Variants in PRMT8 observed in about 807,000 individuals in gnomAD.
The protein encoded by PRMT8 is protein arginine N-methyltransferase 8.
A neutral mutation model predicts 47.1 loss-of-function variants in PRMT8; 7 were observed. The ratio of observed to expected loss-of-function variants is 0.15; its 90% CI spans 0.08 to 0.28. PRMT8 has a LOEUF of 0.28. Ranked by LOEUF, PRMT8 falls within the 10% of genes least tolerant of loss-of-function variation. The probability of loss-of-function intolerance (pLI) is 1.00; values close to 1 mark genes in which losing one functional copy is unlikely to be tolerated. For missense variants in PRMT8, 237 were observed against 505.4 expected (o/e 0.47, Z 5.09); for synonymous variants, 188 against 186.5 (o/e 1.01, Z -0.07).
intron 1 of PRMT8, among the ~76,000 whole-genome samples, chr12:3,510,799 C>T (rs1244458756): frequency 6.6e-6 from 1 of 152,186 alleles, no homozygotes; most frequent in Non-Finnish European, 1.5e-5. Flanking sequence ...TCAGGTCCAC[C>T]TCCACCTCGG....
At chr12:3,461,097 A>G (rs1171366286) in intron 1 of PRMT8, among the ~76,000 whole-genome samples, 1 of 152,180 alleles carries the variant, frequency 6.6e-6, no homozygotes, top group Non-Finnish European at 1.5e-5. Flanking sequence ...CTGTTTATTT[A>G]TTCATCCAAC....
chr12:3,388,713 G>A (rs191754786), intron 1 of PRMT8, among the ~76,000 whole-genome samples: 2 of 149,200 alleles, frequency 1.3e-5, no homozygotes, highest in East Asian at 3.9e-4. Flanking sequence ...GCCCACATCA[G>A]GCTGTCTCTA....
intron 1 of PRMT8, among the ~76,000 whole-genome samples, chr12:3,532,343 T>A (rs1259982662): frequency 1.3e-5 from 2 of 149,438 alleles, no homozygotes; most frequent in Non-Finnish European, 3.0e-5. Context: ...AATTAAGAAT[T>A]CTCTTTATGT....
At chr12:3,412,429 G>A (rs1263532641) in intron 1 of PRMT8, among the ~76,000 whole-genome samples, 1 of 152,072 alleles carries the variant, frequency 6.6e-6, no homozygotes, top group African/African-American at 2.4e-5. Flanking sequence ...TATAAAAAAT[G>A]TTTTCTTTCT....
rs749021307 is a variant in PRMT8, at chr12:3,569,162, C to T, written c.624+314C>T. ...AAGTACTTAGGACTTGCATGGCTGC[C>T]AGAGCCAGGTGTGCTATTCATCTGG... On this transcript the variant is annotated intron_variant, in intron 5 of 9. Coordinates refer to ENST00000382622, the MANE Select transcript of PRMT8 (RefSeq NM_019854.5). This position sits in a 1 kb window ranked among gnomAD's most constrained non-coding sequence, Gnocchi z 8.2. Among the ~76,000 whole-genome samples the T allele has an allele frequency of 6.6e-6, 1 of 152,194 alleles. No homozygotes were observed. The highest frequency in any genetic ancestry group is 1.5e-5 in the Non-Finnish European group (1 of 68,026).
intron 4 of PRMT8, among the ~76,000 whole-genome samples, chr12:3,567,610 C>T (rs934325596): frequency 7.9e-5 from 12 of 152,168 alleles, no homozygotes; most frequent in African/African-American, 2.9e-4. Flanking sequence ...CTCTCTAAGC[C>T]TCGGTTTCCT....
intron 1 of PRMT8, among the ~76,000 whole-genome samples, chr12:3,484,912 T>A (rs1042863900): frequency 8.6e-5 from 13 of 152,016 alleles, no homozygotes; most frequent in Non-Finnish European, 1.6e-4. Context: ...GTGGGGAGTG[T>A]GGTTTCTGAG....
chr12:3,438,581 G>A (rs749586667), intron 1 of PRMT8, among the ~76,000 whole-genome samples: 6 of 152,220 alleles, frequency 3.9e-5, no homozygotes, highest in Non-Finnish European at 1.5e-5. Flanking sequence ...AGGCCTCAGA[G>A]CCACCAGACA....
chr12:3,508,405 T>G lies in PRMT8; in HGVS notation c.75+16705T>G, dbSNP rs557956185. Among the ~76,000 whole-genome samples the G allele has an allele frequency of 6.6e-6, 1 of 152,212 alleles. No homozygotes were observed. The highest frequency in any genetic ancestry group is 2.4e-5 in the African/African-American group (1 of 41,528). On this transcript the variant is annotated intron_variant, in intron 1 of 9. Coordinates refer to ENST00000382622, the MANE Select transcript of PRMT8 (RefSeq NM_019854.5). This position sits in a 1 kb window ranked among gnomAD's most constrained non-coding sequence, Gnocchi z 4.9. ...TAATATGTGAGACATGAGGTACAAG[T>G]TTAATTACCGGCCTGGAGCTTCTGA...
chr12:3,527,240 A>C (rs187046419), intron 1 of PRMT8, among the ~76,000 whole-genome samples: 123 of 152,250 alleles, frequency 8.1e-4, no homozygotes, highest in Non-Finnish European at 1.4e-3. Context: ...CAAGACCTCT[A>C]GTGGATCCCT....
At chr12:3,457,875 G>C (rs1284980328) in intron 1 of PRMT8, among the ~76,000 whole-genome samples, 1 of 101,660 alleles carries the variant, frequency 9.8e-6, no homozygotes, top group Non-Finnish European at 1.8e-5. Context: ...TTAAGACAGC[G>C]TTCTGTTGCC....
chr12:3,411,806 GCA>G (rs1281837560), intron 1 of PRMT8, among the ~76,000 whole-genome samples: 1 of 152,222 alleles, frequency 6.6e-6, no homozygotes, highest in African/African-American at 2.4e-5. Context: ...CAGGAAGGAG[GCA>G]CACACAAGGT....
chr12:3,510,490 C>T (rs917611982), intron 1 of PRMT8, among the ~76,000 whole-genome samples: 6 of 152,126 alleles, frequency 3.9e-5, no homozygotes, highest in African/African-American at 9.7e-5. Context: ...CACTATACAT[C>T]CTATGTATTC....
intron 1 of PRMT8, among the ~76,000 whole-genome samples, chr12:3,483,135 T>A (rs916951315): frequency 1.1e-4 from 17 of 152,320 alleles, no homozygotes; most frequent in Admixed American, 1.1e-3. Context: ...TGCCTGGGGC[T>A]GCTGTGGGGA....
chr12:3,589,222 T>C (rs1203705573), intron 8 of PRMT8, among the ~76,000 whole-genome samples: 2 of 152,202 alleles, frequency 1.3e-5, no homozygotes, highest in African/African-American at 2.4e-5. Flanking sequence ...TTAATCATTA[T>C]GCCAGGAAAA....
At chr12:3,542,704 G>A (rs1165765938) in intron 2 of PRMT8, among the ~76,000 whole-genome samples, 7 of 152,164 alleles carry the variant, frequency 4.6e-5, no homozygotes, top group African/African-American at 1.7e-4. Context: ...CTCCCCACTC[G>A]GAGCCTCCGT....
rs913766939 is a variant in PRMT8 at position 3,583,475 on chromosome 12, C to A, written c.979+267C>A. On this transcript the variant is annotated intron_variant, in intron 8 of 9. Transcript: ENST00000382622. This position sits in a 1 kb window ranked among gnomAD's most constrained non-coding sequence, Gnocchi z 4.7. ...GCAGGAGGTAGGGCTCATGGAGGGG[C>A]CCCAAGCCCTTTCAAAGGCATATTT... 6.6e-6 allele frequency among the ~76,000 whole-genome samples: 1 copy of A among 152,152 alleles called. No individual in the cohort carries two copies. The highest frequency in any genetic ancestry group is 6.5e-5 in the Admixed American group (1 of 15,276).
chr12:3,469,015 C>T, intron 1 of PRMT8: 1 of 353,818 alleles, frequency 2.8e-6, no homozygotes, highest in Non-Finnish European at 5.4e-6. Flanking sequence ...TGTCTATTCA[C>T]TGCATGAACT....
intron 1 of PRMT8, among the ~76,000 whole-genome samples, chr12:3,477,831 A>G (rs527592132): frequency 1.3e-5 from 2 of 152,320 alleles, no homozygotes; most frequent in South Asian, 4.1e-4. Flanking sequence ...GCTTAACTTT[A>G]TATCCAGCTC....
Sources: gnomAD v4.1 joint callset for allele counts (sites outside exome capture counted in the v4.1 genomes callset) on GRCh38, gnomAD v4.1.1 for gene constraint, Gnocchi (gnomAD v3.1) non-coding constraint, MANE v1.5 for transcripts, NCBI Gene and HGNC (gene_info 2026-07-23, HGNC 2026-07-21) for gene names.